Variants in NFASC observed in about 807,000 individuals in gnomAD.
NFASC encodes neurofascin homolog.
Under a neutral mutation model 147.5 loss-of-function variants are expected in NFASC, and 43 were observed. The ratio of observed to expected loss-of-function variants is 0.29; its 90% CI spans 0.23 to 0.38. NFASC has a LOEUF of 0.38. Among genes scored for constraint, NFASC ranks in the 10% least tolerant of loss-of-function variants. The probability of loss-of-function intolerance (pLI) is 1.00; values close to 1 mark genes in which losing one functional copy is unlikely to be tolerated. For synonymous variants in NFASC, 622 were observed against 665.5 expected, an observed-to-expected ratio of 0.93 and a Z score of 1.01; for missense variants, 1,320 against 1,689.0, an observed-to-expected ratio of 0.78 and a Z score of 3.83.
chr1:204,860,561 CT>C (rs112592479), intron 1 of NFASC, among the ~76,000 whole-genome samples: 7 of 152,256 alleles, frequency 4.6e-5, no homozygotes, highest in African/African-American at 1.7e-4. Context: ...CTTCTTTTTT[CT>C]TTGGGGAAAA....
chr1:204,970,864 C>T lies in NFASC; in HGVS notation c.1135+117C>T, dbSNP rs1049679831. 3.3e-5 allele frequency: 43 copies of T among 1,310,272 alleles called. 2 individuals are homozygous for T. The highest frequency in any genetic ancestry group is 4.5e-5 in the Non-Finnish European group (42 of 933,594). 81.2% of individuals were successfully genotyped at this position (1,310,272 alleles called of 1,614,324 possible). On this transcript the variant is annotated intron_variant, in intron 11 of 29. Coordinates refer to ENST00000339876, the MANE Select transcript of NFASC (RefSeq NM_001005388.3). The stretch of plus-strand genomic sequence containing the variant: ...AGAAGTTCAGGAAGAGAGAAGCCCA[C>T]TGGTGGCTGTTTCTCAGCTGCCCAT...
chr1:204,855,042 C>T (rs920871495), intron 1 of NFASC, among the ~76,000 whole-genome samples: 1 of 152,186 alleles, frequency 6.6e-6, no homozygotes, highest in Non-Finnish European at 1.5e-5. Flanking sequence ...GCAAGGTACT[C>T]TTGGGAGCCC....
At chr1:204,946,534 G>A (rs1261852054) in intron 3 of NFASC, 4 of 418,644 alleles carry the variant, frequency 9.6e-6, no homozygotes, top group Middle Eastern at 3.4e-4. Context: ...CCCTGGCAAC[G>A]TGTCCAAAAA....
chr1:205,014,672 G>A (rs1353552013), intron 29 of NFASC, among the ~76,000 whole-genome samples: 2 of 152,060 alleles, frequency 1.3e-5, no homozygotes, highest in Non-Finnish European at 1.5e-5. Flanking sequence ...TAGATCCCCC[G>A]TCCCCTCAAC....
At chr1:204,923,751 G>A (rs1057254382) in intron 2 of NFASC, among the ~76,000 whole-genome samples, 3 of 152,064 alleles carry the variant, frequency 2.0e-5, no homozygotes, top group African/African-American at 7.2e-5. Context: ...CCCATGCTTA[G>A]CCCCATTTTC....
chr1:204,919,408 G>A (rs4950972), intron 1 of NFASC, among the ~76,000 whole-genome samples: 76,182 of 151,958 alleles, frequency 0.5, 21,158 homozygotes, highest in Non-Finnish European at 0.65. Flanking sequence ...ATATATTTTT[G>A]CATTCCTCCT....
At chr1:204,830,573 G>T (rs1393722522) in intron 1 of NFASC, among the ~76,000 whole-genome samples, 1 of 151,938 alleles carries the variant, frequency 6.6e-6, no homozygotes, top group East Asian at 1.9e-4. Context: ...AACTGAAGGG[G>T]TGTGTTGTGT....
chr1:204,959,897 C>T (rs1213054343), intron 8 of NFASC, among the ~76,000 whole-genome samples: 1 of 152,244 alleles, frequency 6.6e-6, no homozygotes, highest in Non-Finnish European at 1.5e-5. Context: ...TTTCTAGGTC[C>T]TCTATTCCAC....
Position 204,981,953 on chromosome 1 carries a change from C to T in NFASC, c.2403C>T (p.Val801=), listed in dbSNP as rs375836950. ...TPVYVPYEIR[V]QAENDFGKGP... Reference sequence around the variant, plus strand: ...TCTACGTGCCCTATGAGATCCGAGTCCAGGCTGAAAATGACTTCGGGAAGG... The same window carrying T: ...TCTACGTGCCCTATGAGATCCGAGTTCAGGCTGAAAATGACTTCGGGAAGG... The change falls in exon 21 of 30, where the codon GTC becomes GTT. Residue 801 remains valine, a synonymous_variant. Coordinates refer to ENST00000339876, the MANE Select transcript of NFASC (RefSeq NM_001005388.3). 18 of 1,607,616 alleles carry T rather than the reference C, an allele frequency of 1.1e-5. No homozygotes were observed. The highest frequency in any genetic ancestry group is 1.5e-5 in the Non-Finnish European group (18 of 1,177,140).
At chr1:204,883,982 T>TG (rs1181367674) in intron 1 of NFASC, among the ~76,000 whole-genome samples, 1 of 152,164 alleles carries the variant, frequency 6.6e-6, no homozygotes, top group African/African-American at 2.4e-5. Flanking sequence ...GGTAACCCAG[T>TG]GGGGAACCCA....
At chr1:204,853,807 A>G (rs1289589912) in intron 1 of NFASC, among the ~76,000 whole-genome samples, 1 of 151,996 alleles carries the variant, frequency 6.6e-6, no homozygotes, top group African/African-American at 2.4e-5. Flanking sequence ...TTCTCAAAAC[A>G]CCCCTTTCTG....
intron 21 of NFASC, among the ~76,000 whole-genome samples, chr1:204,985,096 G>A (rs1235186558): frequency 6.6e-6 from 1 of 152,304 alleles, no homozygotes; most frequent in African/African-American, 2.4e-5. Context: ...GATTTTTCTG[G>A]CTAAAGCTTC....
At chr1:204,850,534 G>C (rs1485808311) in intron 1 of NFASC, among the ~76,000 whole-genome samples, 2 of 152,226 alleles carry the variant, frequency 1.3e-5, no homozygotes, top group African/African-American at 4.8e-5. Context: ...GGCCTGGTGG[G>C]AGGTGATTGA....
chr1:204,928,568 T>C (rs1307977524), intron 2 of NFASC, among the ~76,000 whole-genome samples: 1 of 152,172 alleles, frequency 6.6e-6, no homozygotes, highest in African/African-American at 2.4e-5. Context: ...TTTCTCCATA[T>C]ACAAGGATAT....
At chr1:204,868,808 G>T (rs2077332663) in intron 1 of NFASC, among the ~76,000 whole-genome samples, 1 of 152,226 alleles carries the variant, frequency 6.6e-6, no homozygotes, top group African/African-American at 2.4e-5. Flanking sequence ...CCAGCAGGGG[G>T]TCATCTGGAT....
At chr1:204,858,930 G>A (rs1180553558) in intron 1 of NFASC, among the ~76,000 whole-genome samples, 1 of 151,308 alleles carries the variant, frequency 6.6e-6, no homozygotes, top group Non-Finnish European at 1.5e-5. Context: ...CTCACAGCCG[G>A]TTTTACCACC....
rs147296640 is a variant in NFASC, at chr1:204,920,627, G to A, written c.-199-5G>A. On this transcript the variant is annotated splice_region_variant and splice_polypyrimidine_tract_variant and intron_variant, in intron 1 of 29. Coordinates refer to ENST00000339876, the MANE Select transcript of NFASC (RefSeq NM_001005388.3). ...GGGGTTCTCCTTTGTGCTTGCTTGA[G>A]ACAGGTTGATTGACTTATGTGCAAT... 7.8e-7 allele frequency: 1 copy of A among 1,280,856 alleles called. No homozygotes were observed. The highest frequency in any genetic ancestry group is 1.0e-6 in the Non-Finnish European group (1 of 980,990). 79.3% of individuals were successfully genotyped at this position (1,280,856 alleles called of 1,614,324 possible).
intron 21 of NFASC, chr1:204,984,410 T>TATATATAC (rs1491151468): frequency 3.6e-5 from 5 of 140,834 alleles, no homozygotes; most frequent in South Asian, 2.3e-4. Context: ...TATATATATA[T>TATATATAC]ACACCCAGAT....
rs775816154 is a variant in NFASC, at chr1:204,981,768, C to T, written c.2248-30C>T. On this transcript the variant is annotated intron_variant, in intron 20 of 29. Coordinates refer to ENST00000339876, the MANE Select transcript of NFASC (RefSeq NM_001005388.3). ...GTGGATCTGGGCCCCTCTCTGGCAG[C>T]CTCTCCAGCCTGTCTGTCCCTCTGC... 8 of 1,435,370 alleles carry T rather than the reference C, an allele frequency of 5.6e-6. No individual in the cohort carries two copies. The South Asian group carries it at 8.4e-5, about 15-fold the overall frequency. 88.9% of individuals were successfully genotyped at this position (1,435,370 alleles called of 1,614,324 possible).
Sources: allele counts gnomAD v4.1 joint callset (sites outside exome capture counted in the v4.1 genomes callset), GRCh38; gene constraint gnomAD v4.1.1; transcripts MANE v1.5; gene names NCBI Gene and HGNC (gene_info 2026-07-23, HGNC 2026-07-21).